NXPE2: variants seen among roughly 807,000 people sequenced by gnomAD.
The protein encoded by NXPE2 is NXPE family member 2.
NXPE2 carries 34 observed loss-of-function variants against 34.4 expected under a neutral mutation model. The observed-to-expected ratio is 0.99, with a 90% confidence interval of 0.75 to 1.31. NXPE2 has a LOEUF of 1.31. Among genes scored for constraint, NXPE2 ranks in the 40% most tolerant of loss-of-function variants. The probability of loss-of-function intolerance (pLI) is 0.00; values close to 1 mark genes in which losing one functional copy is unlikely to be tolerated. For missense variants in NXPE2, 649 were observed against 672.5 expected (o/e 0.97, Z 0.39); for synonymous variants, 235 against 231.3 (o/e 1.02, Z -0.15).
At chr11:114,803,950 A>G in the NXPE2 span, among the ~76,000 whole-genome samples, 1 of 152,144 alleles carries the variant, frequency 6.6e-6, no homozygotes, top group African/African-American at 2.4e-5. Context: ...ATCACCCCCC[A>G]AAGGTCCTCC....
At chr11:114,740,917 A>G in the NXPE2 span, among the ~76,000 whole-genome samples, 1 of 152,190 alleles carries the variant, frequency 6.6e-6, no homozygotes, top group Non-Finnish European at 1.5e-5. Flanking sequence ...TCATCAAATA[A>G]TGACATTGTC....
chr11:114,571,407 C>G, the NXPE2 span: 2 of 1,613,236 alleles, frequency 1.2e-6, no homozygotes, highest in Non-Finnish European at 8.5e-7. Context: ...GTTGATGTTC[C>G]TATCCAAATC....
At chr11:114,793,128 A>AC in the NXPE2 span, among the ~76,000 whole-genome samples, 3 of 152,200 alleles carry the variant, frequency 2.0e-5, no homozygotes, top group Non-Finnish European at 4.4e-5. Context: ...CCATCACATG[A>AC]CAGTTCTCTA....
the NXPE2 span, among the ~76,000 whole-genome samples, chr11:114,810,127 T>C: frequency 1.4e-5 from 2 of 145,130 alleles, no homozygotes; most frequent in Admixed American, 1.4e-4. Context: ...CTGGGAAAAC[T>C]GGCTAGCCAT....
the NXPE2 span, among the ~76,000 whole-genome samples, chr11:114,579,161 T>G: frequency 2.0e-5 from 3 of 152,132 alleles, no homozygotes; most frequent in Non-Finnish European, 4.4e-5. Flanking sequence ...GGGGAGCCAG[T>G]GTGTCACATG....
the NXPE2 span, chr11:114,518,444 A>G: frequency 2.0e-5 from 3 of 152,246 alleles, no homozygotes; most frequent in African/African-American, 7.2e-5. Context: ...TCAGGTGAAG[A>G]CTGGAAAAAT....
At chr11:114,527,652 C>T in the NXPE2 span, among the ~76,000 whole-genome samples, 1 of 152,176 alleles carries the variant, frequency 6.6e-6, no homozygotes, top group Non-Finnish European at 1.5e-5. Flanking sequence ...TTGGATATAT[C>T]AAGATGTAAT....
At chr11:114,553,947 G>C in the NXPE2 span, 1 of 985,358 alleles carries the variant, frequency 1.0e-6, no homozygotes, top group Non-Finnish European at 1.2e-6. Flanking sequence ...TGGGAGAGCA[G>C]GTTTGTCAGT....
the NXPE2 span, chr11:114,583,842 C>A: frequency 2.5e-6 from 1 of 393,218 alleles, no homozygotes; most frequent in South Asian, 2.1e-5. Context: ...AGGACTGTGT[C>A]CTTTCATAAA....
At chr11:114,603,681 C>T in the NXPE2 span, among the ~76,000 whole-genome samples, 6 of 149,938 alleles carry the variant, frequency 4.0e-5, no homozygotes, top group African/African-American at 7.4e-5. Context: ...TTGGGTAACT[C>T]CTATTACCTG....
the NXPE2 span, among the ~76,000 whole-genome samples, chr11:114,661,641 T>C: frequency 6.6e-6 from 1 of 152,236 alleles, no homozygotes; most frequent in African/African-American, 2.4e-5. Flanking sequence ...AGACATTTCC[T>C]CTTTATCTCA....
chr11:114,490,192 C>T, the NXPE2 span, among the ~76,000 whole-genome samples: 36,222 of 151,970 alleles, frequency 0.24, 4,563 homozygotes, highest in East Asian at 0.37. Flanking sequence ...AACCACTGCT[C>T]AATGAAATAA....
At chr11:114,522,954 TCAAA>T in the NXPE2 span, 1 of 1,613,654 alleles carries the variant, frequency 6.2e-7, no homozygotes, top group African/African-American at 1.3e-5. Context: ...AGTTTGCCTT[TCAAA>T]CAGCCATTTA....
the NXPE2 span, among the ~76,000 whole-genome samples, chr11:114,725,115 A>G: frequency 1.3e-5 from 2 of 152,040 alleles, no homozygotes; most frequent in South Asian, 4.1e-4. Context: ...ATTGCATGTC[A>G]TTAAATCATG....
intron 2 of NXPE2, among the ~76,000 whole-genome samples, chr11:114,686,285 G>A (rs1412039564): frequency 6.6e-6 from 1 of 151,898 alleles, no homozygotes; most frequent in Non-Finnish European, 1.5e-5. Context: ...CCTGCTTTTG[G>A]AATCCCCAGT....
the NXPE2 span, among the ~76,000 whole-genome samples, chr11:114,602,002 ATGTAT>A: frequency 2.3e-5 from 2 of 85,662 alleles, no homozygotes; most frequent in Admixed American, 2.2e-4. Flanking sequence ...AATGTATCTA[ATGTAT>A]TATATTATAT....
At chr11:114,664,828 A>T in the NXPE2 span, among the ~76,000 whole-genome samples, 12 of 152,176 alleles carry the variant, frequency 7.9e-5, no homozygotes, top group African/African-American at 2.9e-4. Context: ...CCAGTCTGTC[A>T]CACAATCACA....
the NXPE2 span, among the ~76,000 whole-genome samples, chr11:114,630,353 C>A: frequency 6.6e-6 from 1 of 151,788 alleles, no homozygotes; most frequent in Non-Finnish European, 1.5e-5. Flanking sequence ...GAACATAGCC[C>A]TCAGAAATAA....
chr11:114,633,064 TTTG>T, the NXPE2 span, among the ~76,000 whole-genome samples: 2 of 117,160 alleles, frequency 1.7e-5, no homozygotes, highest in Non-Finnish European at 3.2e-5. Context: ...TATTTTATAT[TTTG>T]TTTTTTATAA....
Sources: gnomAD v4.1 joint callset for allele counts (sites outside exome capture counted in the v4.1 genomes callset) on GRCh38, gnomAD v4.1.1 for gene constraint, MANE v1.5 for transcripts, NCBI Gene and HGNC (gene_info 2026-07-23, HGNC 2026-07-21) for gene names.